ITFG1: variants seen among roughly 807,000 people sequenced by gnomAD.
The protein encoded by ITFG1 is T-cell immunomodulatory protein.
A neutral mutation model predicts 81.8 loss-of-function variants in ITFG1; 34 were observed. The observed-to-expected ratio is 0.42, with a 90% CI of 0.32 to 0.55. The LOEUF is 0.55. Ranked by LOEUF, ITFG1 falls within the 20% of genes least tolerant of loss-of-function variation. The pLI, the probability that ITFG1 is intolerant of heterozygous loss-of-function variation, is 0.17. For synonymous variants in ITFG1, 285 were observed against 270.6 expected (o/e 1.05, Z -0.52); for missense variants, 672 against 755.4 (o/e 0.89, Z 1.29).
intron 10 of ITFG1, among the ~76,000 whole-genome samples, chr16:47,308,296 C>T (rs1309651022): frequency 6.6e-6 from 1 of 152,194 alleles, no homozygotes; most frequent in Non-Finnish European, 1.5e-5. Context: ...GCAGCCTCAC[C>T]GGCATCTCTA....
chr16:47,350,726 C>A (rs1596919758), intron 8 of ITFG1, among the ~76,000 whole-genome samples: 2 of 152,286 alleles, frequency 1.3e-5, no homozygotes, highest in Admixed American at 1.3e-4. Flanking sequence ...AGGCCAGCAT[C>A]ATCCTGACAC....
chr16:47,365,816 C>A lies in ITFG1; in HGVS notation c.774G>T (p.Val258=). The stretch of plus-strand genomic sequence containing the variant: ...AGTCTGCAAATGCTGACTGTCCAAC[C>A]ACCATCATATTTTGAGGTTTTTCCA... ...TILEKPQNMM[V]VGQSAFADFD... The change falls in exon 8 of 18, where the codon GTG becomes GTT. Residue 258 remains valine (V), a synonymous_variant. Transcript: ENST00000320640. 1.9e-6 allele frequency: 3 copies of A among 1,606,758 alleles called. No individual in the cohort carries two copies. The highest frequency in any genetic ancestry group is 2.6e-6 in the Non-Finnish European group (3 of 1,174,274).
At chr16:47,410,265 AC>A (rs2151602669) in intron 6 of ITFG1, among the ~76,000 whole-genome samples, 1 of 152,078 alleles carries the variant, frequency 6.6e-6, no homozygotes, top group South Asian at 2.1e-4. Flanking sequence ...GGTGACAGAG[AC>A]CCTGTCTCTA....
At chr16:47,226,005 T>C (rs1246712889) in intron 13 of ITFG1, among the ~76,000 whole-genome samples, 1 of 152,256 alleles carries the variant, frequency 6.6e-6, no homozygotes, top group African/African-American at 2.4e-5. Context: ...ACAATAATTA[T>C]AAAACCATCT....
chr16:47,355,998 AGAT>A (rs1479079435), intron 8 of ITFG1, among the ~76,000 whole-genome samples: 2 of 152,190 alleles, frequency 1.3e-5, no homozygotes, highest in African/African-American at 2.4e-5. Flanking sequence ...CCATTACTGA[AGAT>A]GATAACATAT....
chr16:47,164,879 T>C (rs1053504103), intron 14 of ITFG1, among the ~76,000 whole-genome samples: 5 of 152,234 alleles, frequency 3.3e-5, no homozygotes, highest in East Asian at 1.9e-4. Flanking sequence ...CACTACTCAG[T>C]TGAGAAGGGG....
chr16:47,403,303 A>G (rs1455786597), intron 6 of ITFG1, among the ~76,000 whole-genome samples: 1 of 151,882 alleles, frequency 6.6e-6, no homozygotes, highest in Non-Finnish European at 1.5e-5. Context: ...ATAAAGCCAG[A>G]ATGTGGGCTG....
intron 10 of ITFG1, among the ~76,000 whole-genome samples, chr16:47,300,831 G>C (rs1432607020): frequency 2.0e-5 from 3 of 152,086 alleles, no homozygotes; most frequent in Non-Finnish European, 4.4e-5. Context: ...ATGCTCCTTT[G>C]TAAGTATAGA....
chr16:47,337,720 C>T (rs1567465547), intron 8 of ITFG1, among the ~76,000 whole-genome samples: 1 of 152,144 alleles, frequency 6.6e-6, no homozygotes, highest in African/African-American at 2.4e-5. Context: ...AAAAAACACT[C>T]GTGTATGGTG....
Position 47,188,817 on chromosome 16 carries a change from T to G in ITFG1, c.1454-26153A>C, listed in dbSNP as rs763094637. ...AAGTGCTTTGTAAACTACAAAGCAG[T>G]GCAGTGGCGCTATCTTGGCTCACTG... On this transcript the variant is annotated intron_variant, in intron 14 of 17. Transcript: ENST00000320640. 3.0e-4 allele frequency among the ~76,000 whole-genome samples: 46 copies of G among 152,150 alleles called. 2 individuals carry two copies. The highest frequency in any genetic ancestry group is 1.4e-3 in the East Asian group (7 of 5,180).
intron 12 of ITFG1, among the ~76,000 whole-genome samples, chr16:47,255,010 C>G (rs1054134933): frequency 2.0e-5 from 3 of 152,212 alleles, no homozygotes; most frequent in East Asian, 1.9e-4. Context: ...TTGCTTCAAC[C>G]TGGGAGGCGG....
chr16:47,396,604 T>A (rs767785145), intron 6 of ITFG1, among the ~76,000 whole-genome samples: 13 of 151,486 alleles, frequency 8.6e-5, no homozygotes, highest in Non-Finnish European at 1.6e-4. Flanking sequence ...GGTGTCTGAA[T>A]GTGAGAGAAT....
chr16:47,330,061 G>A (rs1356796846), intron 8 of ITFG1, among the ~76,000 whole-genome samples: 3 of 151,930 alleles, frequency 2.0e-5, no homozygotes, highest in Non-Finnish European at 2.9e-5. Context: ...CCTTTAAAGA[G>A]GGCTGAAAAT....
At chr16:47,324,942 A>C (rs566593124) in intron 8 of ITFG1, among the ~76,000 whole-genome samples, 9 of 152,318 alleles carry the variant, frequency 5.9e-5, no homozygotes, top group Non-Finnish European at 1.3e-4. Context: ...GAAAGTCAAA[A>C]GGATACCCAG....
chr16:47,389,367 C>T (rs1968502987), intron 6 of ITFG1, among the ~76,000 whole-genome samples: 1 of 152,052 alleles, frequency 6.6e-6, no homozygotes, highest in African/African-American at 2.4e-5. Flanking sequence ...AATTGTATCA[C>T]TAGGCCCATA....
chr16:47,408,562 A>G (rs1198474385), intron 6 of ITFG1, among the ~76,000 whole-genome samples: 2 of 152,218 alleles, frequency 1.3e-5, no homozygotes, highest in Non-Finnish European at 2.9e-5. Flanking sequence ...TATCTCATCA[A>G]TAGACCAGAC....
At chr16:47,407,877 G>A (rs1968749378) in intron 6 of ITFG1, among the ~76,000 whole-genome samples, 1 of 152,136 alleles carries the variant, frequency 6.6e-6, no homozygotes, top group South Asian at 2.1e-4. Flanking sequence ...TATGTTATTA[G>A]TATGCAGGGT....
intron 13 of ITFG1, among the ~76,000 whole-genome samples, chr16:47,227,954 G>A (rs1965774966): frequency 6.6e-6 from 1 of 152,020 alleles, no homozygotes; most frequent in South Asian, 2.1e-4. Context: ...TAGCTGTAAT[G>A]CCCAATTTAG....
intron 10 of ITFG1, among the ~76,000 whole-genome samples, chr16:47,310,765 TTAA>T (rs1967245368): frequency 6.6e-6 from 1 of 152,186 alleles, no homozygotes; most frequent in African/African-American, 2.4e-5. Context: ...TTTACCTTAT[TTAA>T]TCTTTACTAT....
Sources: allele counts gnomAD v4.1 joint callset (sites outside exome capture counted in the v4.1 genomes callset), GRCh38; gene constraint gnomAD v4.1.1; transcripts MANE v1.5; gene names NCBI Gene and HGNC (gene_info 2026-07-23, HGNC 2026-07-21).